The following BCL3 variants were observed in gnomAD, a reference collection of about 807,000 sequenced individuals.
BCL3 encodes the protein B-cell lymphoma 3 protein.
A neutral mutation model predicts 35.7 loss-of-function variants in BCL3; 15 were observed. The ratio of observed to expected loss-of-function variants is 0.42; its 90% CI spans 0.28 to 0.65. The LOEUF is 0.65. Among genes scored for constraint, BCL3 ranks in the 30% least tolerant of loss-of-function variants. BCL3 has a pLI of 0.22. For synonymous variants in BCL3, 311 were observed against 284.3 expected (o/e 1.09, Z -0.95); for missense variants, 565 against 641.7 (o/e 0.88, Z 1.29).
chr19:44,753,665 G>T (rs1287850737), intron 2 of BCL3, among the ~76,000 whole-genome samples: 1 of 152,138 alleles, frequency 6.6e-6, no homozygotes, highest in Non-Finnish European at 1.5e-5. Flanking sequence ...GTGGGGGCGA[G>T]GAGGGCGGGG....
At chr19:44,756,654 T>C (rs1599842216) in intron 3 of BCL3, among the ~76,000 whole-genome samples, 1 of 149,584 alleles carries the variant, frequency 6.7e-6, no homozygotes, top group Non-Finnish European at 1.5e-5. Context: ...GGAGGAGGGC[T>C]GGGGTCTGGA....
chr19:44,748,517 G>C, upstream of BCL3: 1 of 188,062 alleles, frequency 5.3e-6, no homozygotes, highest in Non-Finnish European at 1.0e-5. Context: ...CAGGCGCCGC[G>C]GGCCGGGAGG....
chr19:44,758,682 T>C (rs1967348725), intron 7 of BCL3, 42 bp from the exon 8 acceptor site: 1 of 1,505,416 alleles, frequency 6.6e-7, no homozygotes, highest in South Asian at 1.2e-5. Context: ...GAGAGGACTG[T>C]GAGGCATGGG....
At position 44,759,715 on chromosome 19, in the gene BCL3, C is replaced by A. The variant is rs113600948; in HGVS notation, c.*100C>A. Reference sequence around the variant, plus strand: ...TGTGAAGATCTCACTCTGCCCCCCCCCCCCATCTTCGGGACCAGGATTTGC... The same window carrying A: ...TGTGAAGATCTCACTCTGCCCCCCCACCCCATCTTCGGGACCAGGATTTGC... On this transcript the variant is annotated 3_prime_UTR_variant, in exon 9 of 9. Coordinates refer to ENST00000164227, the MANE Select transcript of BCL3 (RefSeq NM_005178.5). 2.3e-5 allele frequency: 15 copies of A among 651,954 alleles called. No individual in the cohort carries two copies. Among genetic ancestry groups the A allele is most frequent in the Middle Eastern group, 4.2e-4 (1 of 2,394 alleles). The allele number at this position is 651,954 out of a possible 1,614,324, so 40.4% of individuals were successfully genotyped here.
rs377071242 is a variant in BCL3, at chr19:44,759,581, C to T, written c.1331C>T (p.Pro444Leu). 94 of 1,609,116 alleles carry T rather than the reference C, an allele frequency of 5.8e-5. No homozygotes were observed. The highest frequency in any genetic ancestry group is 2.8e-4 in the African/African-American group (21 of 74,946). Residue 444 changes from proline (P) to leucine (L), a missense_variant, in exon 9 of 9, where the codon CCG becomes CTG. By Grantham distance (98) the Pro-to-Leu change is moderately conservative. Coordinates refer to ENST00000164227, the MANE Select transcript of BCL3 (RefSeq NM_005178.5). ...GGGGTCCTCCGAGGCCCTGGCCGGC[C>T]GGTGCCCCCCTCCCCAGCTCCAGGA... ...FAGVLRGPGR[P>L]VPPSPAPGGS
At chr19:44,756,557 G>A (rs1967289262) in intron 3 of BCL3, among the ~76,000 whole-genome samples, 16 of 149,082 alleles carry the variant, frequency 1.1e-4, no homozygotes, top group African/African-American at 4.0e-4. Context: ...TGGGTCCTGG[G>A]CTCCTGAGTC....
rs1275576488 is a variant in BCL3, at chr19:44,757,775, C to G, written c.891+52C>G. The G allele has an allele frequency of 3.8e-6, 6 of 1,558,876 alleles. No individual in the cohort carries two copies. Among genetic ancestry groups the G allele is most frequent in the African/African-American group, 1.4e-5 (1 of 73,664 alleles). ...GCCCACCCTATCCTCTGACCCCAAC[C>G]CGGCTCTGGCCTCAGCCCCTAGCTC... On this transcript the variant is annotated intron_variant, in intron 6 of 8. Transcript: ENST00000164227. This position sits in a 1 kb window ranked among gnomAD's most constrained non-coding sequence, Gnocchi z 8.4.
chr19:44,748,951 T>C lies in BCL3; in HGVS notation c.161T>C (p.Val54Ala). The change falls in exon 1 of 9, where the codon GTC (valine) becomes GCC (alanine). Residue 54 changes from valine (V) to alanine (A), a missense_variant. Physicochemically the swap from Val to Ala is moderately conservative, Grantham distance 64. Transcript: ENST00000164227. ...GCTCCCCGCGGCGCTGCGGGCCTTG[T>C]CGTCCCCCTGGACCCTCTGCGCGGC... ...PAAPRGAAGL[V>A]VPLDPLRGGC... 7.9e-7 allele frequency: 1 copy of C among 1,258,012 alleles called. No homozygotes were observed. Among genetic ancestry groups the C allele is most frequent in the Non-Finnish European group, 1.0e-6 (1 of 997,988 alleles). The allele number at this position is 1,258,012 out of a possible 1,614,324, so 77.9% of individuals were successfully genotyped here.
chr19:44,756,157 A>G (rs1967274680), intron 2 of BCL3, 75 bp from the exon 3 acceptor site: 2 of 1,024,488 alleles, frequency 2.0e-6, no homozygotes, highest in Non-Finnish European at 2.7e-6. Flanking sequence ...CATTGGAGTT[A>G]GCATTGCCAA....
Position 44,757,218 on chromosome 19 carries a change from G to C in BCL3, c.721G>C (p.Asp241His). Reference sequence around the variant, plus strand: ...GTTGGACCTGGAGGCCCGCAATTATGACGGTAAGCATTTACCGCGGGGCAC... The same window carrying C: ...GTTGGACCTGGAGGCCCGCAATTATCACGGTAAGCATTTACCGCGGGGCAC... ...GTLDLEARNY[D>H]GLTALHVAVN... Residue 241 changes from aspartate to histidine, a missense_variant, in exon 4 of 9, where the codon GAC becomes CAC. By Grantham distance (81) the Asp-to-His change is moderately conservative. Coordinates refer to ENST00000164227, the MANE Select transcript of BCL3 (RefSeq NM_005178.5). The surrounding 1 kb of genome is among the most constrained non-coding windows in gnomAD (Gnocchi z 8.4). 1.3e-6 allele frequency: 2 copies of C among 1,552,550 alleles called. No homozygotes were observed. The highest frequency in any genetic ancestry group is 1.7e-6 in the Non-Finnish European group (2 of 1,144,414).
At chr19:44,747,926 T>TGCCCCCCCCCCCCC, upstream of BCL3, 1 of 1,186,788 alleles carries the variant, frequency 8.4e-7, no homozygotes, top group Non-Finnish European at 1.1e-6. Flanking sequence ...AGTGGAGCGC[T>TGCCCCCCCCCCCCC]CCCCACCCTC....
In BCL3 at chr19:44,754,737, A is replaced by T. The variant is rs566668899; in HGVS notation, c.411-1495A>T. 2.9e-3 allele frequency among the ~76,000 whole-genome samples: 436 copies of T among 152,298 alleles called. 2 individuals are homozygous for T. The highest frequency in any genetic ancestry group is 8.7e-3 in the African/African-American group (362 of 41,564). On this transcript the variant is annotated intron_variant, in intron 2 of 8. Transcript: ENST00000164227. ...TCCCAGGGACCCCGGCCCCTCCCTC[A>T]ACATTTTATTTTTAAATTTGGCTTT...
At position 44,751,354 on chromosome 19, in the gene BCL3, C is replaced by T. The variant is rs1367267123; in HGVS notation, c.384C>T (p.Ala128=). The T allele has an allele frequency of 6.2e-7, 1 of 1,600,802 alleles. No individual in the cohort carries two copies. The highest frequency in any genetic ancestry group is 2.3e-5 in the East Asian group (1 of 43,994). Residue 128 remains alanine (A), a synonymous_variant, in exon 2 of 9, where the codon GCC becomes GCT. Coordinates refer to ENST00000164227, the MANE Select transcript of BCL3 (RefSeq NM_005178.5). ...EHPLSADIAM[A]TRADEDGDTP... ...CCCTTTCTGCTGACATCGCCATGGCCACCCGTGCAGATGAGGACGGAGACA... is the reference window on the plus strand; with the variant it reads ...CCCTTTCTGCTGACATCGCCATGGCTACCCGTGCAGATGAGGACGGAGACA...
intron 2 of BCL3, 151 bp from the exon 3 acceptor site, chr19:44,756,055 GCAGGATGGAGGGAGCGGGTGGTAAAT>G (rs1967273257): frequency 7.2e-6 from 3 of 414,790 alleles, no homozygotes; most frequent in Non-Finnish European, 8.5e-6. Flanking sequence ...GGTGGCTAAA[GCAGGATGGAGGGAGCGGGTGGTAAAT>G]CAGGATGGAG....
Position 44,756,918 on chromosome 19 carries a change from G to C in BCL3, c.520-99G>C, listed in dbSNP as rs546578138. ...GGTGTCTCAGGTTTCTGTTCCTGGG[G>C]AAGACTGCAGGATGAGGAATAAGGG... On this transcript the variant is annotated intron_variant, in intron 3 of 8. Coordinates refer to ENST00000164227, the MANE Select transcript of BCL3 (RefSeq NM_005178.5). 1,856 of 1,171,444 alleles carry C rather than the reference G, an allele frequency of 1.6e-3. 3 individuals carry two copies. The highest frequency in any genetic ancestry group is 2.2e-3 in the South Asian group (134 of 62,234). 72.6% of individuals were successfully genotyped at this position (1,171,444 alleles called of 1,614,324 possible). A position where few individuals can be genotyped will look rare whatever the true frequency, so the allele number is the denominator to read the frequency against.
rs1032973347 is a variant in BCL3, at chr19:44,756,253, G to A, written c.432G>A (p.Val144=). 1.3e-6 allele frequency: 2 copies of A among 1,541,914 alleles called. No homozygotes were observed. The highest frequency in any genetic ancestry group is 1.8e-6 in the Non-Finnish European group (2 of 1,140,884). The change falls in exon 3 of 9, where the codon GTG becomes GTA. Residue 144 remains valine (V), a synonymous_variant. Transcript: ENST00000164227. ...DGDTPLHIAV[V]QGNLPAVHRL... Reference sequence around the variant, plus strand: ...CCAGGCCTCTCCATATTGCTGTGGTGCAGGGTAACCTGCCAGCTGTGCACC... The same window carrying A: ...CCAGGCCTCTCCATATTGCTGTGGTACAGGGTAACCTGCCAGCTGTGCACC...
intron 6 of BCL3, among the ~76,000 whole-genome samples, chr19:44,758,026 G>A (rs1050857363): frequency 6.6e-6 from 1 of 152,014 alleles, no homozygotes; most frequent in Non-Finnish European, 1.5e-5. Context: ...CAGCTCCCCC[G>A]ACTCCTTGGG....
chr19:44,747,926 T>TGCCCCCCCCCCC, upstream of BCL3: 1 of 1,186,790 alleles, frequency 8.4e-7, no homozygotes, highest in Non-Finnish European at 1.1e-6. Flanking sequence ...AGTGGAGCGC[T>TGCCCCCCCCCCC]CCCCACCCTC....
In BCL3 at chr19:44,759,717, C is replaced by G. The variant is rs1036713493; in HGVS notation, c.*102C>G. On this transcript the variant is annotated 3_prime_UTR_variant, in exon 9 of 9. Coordinates refer to ENST00000164227, the MANE Select transcript of BCL3 (RefSeq NM_005178.5). ...TGAAGATCTCACTCTGCCCCCCCCCCCCATCTTCGGGACCAGGATTTGCAC... is the reference window on the plus strand; with the variant it reads ...TGAAGATCTCACTCTGCCCCCCCCCGCCATCTTCGGGACCAGGATTTGCAC... 8.8e-5 allele frequency: 56 copies of G among 634,510 alleles called. No homozygotes were observed. The highest frequency in any genetic ancestry group is 1.9e-4 in the Admixed American group (6 of 30,778). 39.3% of individuals were successfully genotyped at this position (634,510 alleles called of 1,614,324 possible). A position where few individuals can be genotyped will look rare whatever the true frequency, so the allele number is the denominator to read the frequency against.
Sources: allele counts gnomAD v4.1 joint callset (sites outside exome capture counted in the v4.1 genomes callset), GRCh38; gene constraint gnomAD v4.1.1; non-coding constraint Gnocchi (gnomAD v3.1); transcripts MANE v1.5; gene names NCBI Gene and HGNC (gene_info 2026-07-23, HGNC 2026-07-21).